Variants in MAU2 observed in about 807,000 individuals in gnomAD.
The protein encoded by MAU2 is MAU2 sister chromatid cohesion factor.
MAU2 carries 9 observed loss-of-function variants against 89.1 expected under a neutral mutation model. The observed-to-expected ratio is 0.10, with a 90% CI of 0.06 to 0.18. The LOEUF (loss-of-function observed/expected upper bound fraction) is 0.18. MAU2 is among the 10% of genes least tolerant of loss of function. MAU2 has a pLI of 1.00. For missense variants in MAU2, 425 were observed against 803.5 expected (o/e 0.53, Z 5.69); for synonymous variants, 357 against 343.4 (o/e 1.04, Z -0.44).
intron 1 of MAU2, among the ~76,000 whole-genome samples, chr19:19,333,445 T>A (rs1431229017): frequency 1.3e-5 from 2 of 151,618 alleles, no homozygotes; most frequent in Non-Finnish European, 2.9e-5. Context: ...CTGATTGTAC[T>A]GCTGCACTCC....
At chr19:19,324,667 G>A (rs2061489786) in intron 1 of MAU2, among the ~76,000 whole-genome samples, 2 of 152,134 alleles carry the variant, frequency 1.3e-5, no homozygotes, top group South Asian at 4.1e-4. Flanking sequence ...TTCTCCTTGC[G>A]AAGTGCCTTT....
At chr19:19,344,233 G>A (rs1022706946) in intron 10 of MAU2, 7 of 365,774 alleles carry the variant, frequency 1.9e-5, no homozygotes, top group Non-Finnish European at 3.1e-5. Context: ...CCAACATGGC[G>A]AAACCCCGCC....
At chr19:19,326,816 C>T (rs1234163904) in intron 1 of MAU2, among the ~76,000 whole-genome samples, 2 of 148,202 alleles carry the variant, frequency 1.3e-5, no homozygotes, top group African/African-American at 5.0e-5. Context: ...ATTCTTGAGC[C>T]AGGAAGTTGA....
intron 12 of MAU2, 195 bp from the exon 13 acceptor site, chr19:19,347,085 C>T: frequency 1.8e-6 from 1 of 562,670 alleles, no homozygotes; most frequent in Non-Finnish European, 3.2e-6. Flanking sequence ...CCCCGTAACG[C>T]AGATGATGGT....
In MAU2 at chr19:19,345,060, G is replaced by C; in HGVS notation, c.1155+134G>C. The C allele has an allele frequency of 1.2e-6, 1 of 849,776 alleles. No individual in the cohort carries two copies. Among genetic ancestry groups the C allele is most frequent in the Non-Finnish European group, 1.9e-6 (1 of 528,100 alleles). The allele number at this position is 849,776 out of a possible 1,614,324, so 52.6% of individuals were successfully genotyped here. A position where few individuals can be genotyped will look rare whatever the true frequency, so the allele number is the denominator to read the frequency against. On this transcript the variant is annotated intron_variant, in intron 11 of 18. Coordinates refer to ENST00000262815, the MANE Select transcript of MAU2 (RefSeq NM_015329.4). This position sits in a 1 kb window ranked among gnomAD's most constrained non-coding sequence, Gnocchi z 4.9. ...AATCAGAATCCGGAATGTTCCCATA[G>C]GTAATCATATAACCTTCCCAGGCAC...
At chr19:19,336,036 C>T (rs567318154) in intron 2 of MAU2, 86 bp from the exon 3 acceptor site, 2 of 971,498 alleles carry the variant, frequency 2.1e-6, no homozygotes, top group Admixed American at 3.6e-5. Flanking sequence ...CCCTGCAGAC[C>T]TTGGCAGGGT....
At chr19:19,347,446 C>A in intron 13 of MAU2, 80 bp downstream of exon 13, 1 of 1,067,890 alleles carries the variant, frequency 9.4e-7, no homozygotes, top group Non-Finnish European at 1.4e-6. Flanking sequence ...TCCTGGGCAC[C>A]AGCACATCTC....
chr19:19,341,293 G>C lies in MAU2; in HGVS notation c.621G>C (p.Leu207=). The C allele has an allele frequency of 6.2e-7, 1 of 1,612,878 alleles. No homozygotes were observed. Residue 207 remains leucine, a synonymous_variant, in exon 7 of 19, where the codon CTG becomes CTC. Transcript: ENST00000262815. Reference sequence around the variant, plus strand: ...GAAAGCTGCAGGAGGTGCACCCGCTGCTGACCCTCTGCGGGCAGATCGTGG... The same window carrying C: ...GAAAGCTGCAGGAGGTGCACCCGCTCCTGACCCTCTGCGGGCAGATCGTGG... The part of the protein sequence containing the change: ...MERKLQEVHP[L]LTLCGQIVEN...
At chr19:19,339,284 T>C (rs908625482) in intron 5 of MAU2, among the ~76,000 whole-genome samples, 1 of 152,018 alleles carries the variant, frequency 6.6e-6, no homozygotes, top group African/African-American at 2.4e-5. Context: ...CTGTTTCTAC[T>C]AAAAATACAA....
At chr19:19,342,712 T>G (rs2965191) in intron 8 of MAU2, 31 bp downstream of exon 8, 1,020,032 of 1,612,970 alleles carry the variant, frequency 0.63, 327,288 homozygotes, top group East Asian at 0.7. Flanking sequence ...GGGCCAGGGC[T>G]GGGGGCGGGG....
chr19:19,338,733 CAGTTTCACTGACGTGG>C, intron 4 of MAU2, 96 bp from the exon 5 acceptor site: 2 of 699,964 alleles, frequency 2.9e-6, no homozygotes, highest in South Asian at 3.8e-5. Flanking sequence ...CTGACACAGG[CAGTTTCACTGACGTGG>C]GGAGGTTTGG....
chr19:19,355,484 C>G (rs62135557), intron 18 of MAU2, 93 bp downstream of exon 18: 77,773 of 1,546,296 alleles, frequency 0.05, 2,286 homozygotes, highest in Non-Finnish European at 0.058. Flanking sequence ...CTCTTTTGTC[C>G]AACAAACCCT....
At chr19:19,333,847 C>T (rs146492165) in intron 1 of MAU2, among the ~76,000 whole-genome samples, 150 of 152,346 alleles carry the variant, frequency 9.8e-4, no homozygotes, top group African/African-American at 3.4e-3. Context: ...GCACCTTGCT[C>T]ACCCAGGCTG....
At chr19:19,334,117 GC>G (rs1331637544) in intron 1 of MAU2, 5 of 969,658 alleles carry the variant, frequency 5.2e-6, no homozygotes, top group Non-Finnish European at 6.1e-6. Flanking sequence ...GTGGAAAAAA[GC>G]CCCCAACTTC....
At chr19:19,349,591 C>A (rs1168295811) in intron 16 of MAU2, among the ~76,000 whole-genome samples, 155 bp downstream of exon 16, 2 of 152,214 alleles carry the variant, frequency 1.3e-5, no homozygotes, top group Non-Finnish European at 2.9e-5. Context: ...ACAGCCTGGG[C>A]AGGCAGGGCC....
chr19:19,355,657 C>G, intron 18 of MAU2, 51 bp from the exon 19 acceptor site: 1 of 1,500,748 alleles, frequency 6.7e-7, no homozygotes, highest in Non-Finnish European at 9.1e-7. Context: ...ACCTCTTCTT[C>G]CCTGGGAACG....
intron 18 of MAU2, 150 bp downstream of exon 18, chr19:19,355,541 C>A: frequency 7.8e-7 from 1 of 1,279,170 alleles, no homozygotes; most frequent in South Asian, 1.4e-5. Context: ...GCCATGGGCA[C>A]CCCCACCCAA....
At chr19:19,350,112 T>G (rs995274116) in intron 16 of MAU2, among the ~76,000 whole-genome samples, 6 of 147,542 alleles carry the variant, frequency 4.1e-5, no homozygotes, top group Middle Eastern at 3.3e-3. Context: ...CTAGCCAACA[T>G]AGTGAAACCC....
intron 1 of MAU2, among the ~76,000 whole-genome samples, chr19:19,330,202 A>G (rs767526826): frequency 4.0e-5 from 6 of 151,196 alleles, no homozygotes; most frequent in Non-Finnish European, 8.9e-5. Flanking sequence ...TTGGTCTCAA[A>G]CTCCTGAGCT....
Sources: allele counts gnomAD v4.1 joint callset (sites outside exome capture counted in the v4.1 genomes callset), GRCh38; gene constraint gnomAD v4.1.1; non-coding constraint Gnocchi (gnomAD v3.1); transcripts MANE v1.5; gene names NCBI Gene and HGNC (gene_info 2026-07-23, HGNC 2026-07-21).